MACF1: variants seen among roughly 807,000 people sequenced by gnomAD.
The protein encoded by MACF1 is microtubule actin crosslinking factor 1.
In MACF1, 193 loss-of-function variants were observed where a neutral mutation model predicts 854.8. The ratio of observed to expected loss-of-function variants is 0.23; its 90% confidence interval spans 0.20 to 0.25. The LOEUF is 0.25. Among genes scored for constraint, MACF1 ranks in the 10% least tolerant of loss-of-function variants. The pLI is 1.00. For missense variants in MACF1, 7,722 were observed against 8,929.1 expected (o/e 0.86, Z 5.45); for synonymous variants, 3,185 against 3,226.7 (o/e 0.99, Z 0.44).
chr1:39,165,255 C>T (rs966744119), intron 2 of MACF1, among the ~76,000 whole-genome samples: 2 of 152,082 alleles, frequency 1.3e-5, no homozygotes, highest in African/African-American at 4.8e-5. Context: ...CATAAAAGGG[C>T]GATTCTCTCC....
chr1:39,252,047 C>A, intron 4 of MACF1, 106 bp downstream of exon 4: 1 of 636,460 alleles, frequency 1.6e-6, no homozygotes, highest in Non-Finnish European at 2.3e-6. Context: ...TTACTATTTG[C>A]CACCTTCTCA....
chr1:39,172,246 T>G (rs1047173729), intron 2 of MACF1, among the ~76,000 whole-genome samples: 1 of 152,166 alleles, frequency 6.6e-6, no homozygotes, highest in Non-Finnish European at 1.5e-5. Context: ...AGGGAAAAGT[T>G]TTTTTTCCCC....
chr1:39,404,688 T>C (rs1049171619), intron 58 of MACF1, among the ~76,000 whole-genome samples: 3 of 152,152 alleles, frequency 2.0e-5, no homozygotes, highest in African/African-American at 4.8e-5. Flanking sequence ...TCTTGCAATG[T>C]TGCTTCGGCT....
chr1:39,419,798 A>AGTGTGTGTGTGTGTGTGTGT (rs3080664), intron 58 of MACF1, among the ~76,000 whole-genome samples: 4 of 131,054 alleles, frequency 3.1e-5, no homozygotes, highest in East Asian at 4.6e-4. Context: ...ATGCCTGGCT[A>AGTGTGTGTGTGTGTGTGTGT]GTGTGTGTGT....
chr1:39,176,784 G>GTCA (rs1644035299), intron 2 of MACF1, among the ~76,000 whole-genome samples: 1 of 152,212 alleles, frequency 6.6e-6, no homozygotes, highest in Non-Finnish European at 1.5e-5. Context: ...TGGGCCAAGT[G>GTCA]ATATAACTAG....
intron 2 of MACF1, among the ~76,000 whole-genome samples, chr1:39,139,908 A>G (rs886438851): frequency 5.3e-5 from 8 of 151,956 alleles, no homozygotes; most frequent in African/African-American, 1.9e-4. Flanking sequence ...AAGGAGATTA[A>G]GTAACTTGCC....
chr1:39,106,022 T>A (rs1440927941), intron 2 of MACF1, among the ~76,000 whole-genome samples: 1 of 151,300 alleles, frequency 6.6e-6, no homozygotes, highest in Non-Finnish European at 1.5e-5. Context: ...CCGTGGGGAG[T>A]TGCTGGGGAG....
At chr1:39,302,878 T>C in intron 22 of MACF1, 46 bp from the exon 23 acceptor site, 1 of 1,556,372 alleles carries the variant, frequency 6.4e-7, no homozygotes, top group Non-Finnish European at 8.8e-7. Context: ...AAATAATGGG[T>C]TGTTGGTTTA....
intron 95 of MACF1, among the ~76,000 whole-genome samples, chr1:39,467,319 CGCGCCACTGCACTCCAGCCTAG>C (rs1644690545): frequency 6.6e-6 from 1 of 152,040 alleles, no homozygotes; most frequent in Non-Finnish European, 1.5e-5. Context: ...GAGCCAAGAT[CGCGCCACTGCACTCCAGCCTAG>C]GCGACAGAAC....
intron 58 of MACF1, among the ~76,000 whole-genome samples, chr1:39,415,508 GTA>G (rs1286350008): frequency 2.1e-5 from 3 of 141,720 alleles, no homozygotes; most frequent in Non-Finnish European, 1.5e-5. Context: ...GCAATTTTTT[GTA>G]TATATATATA....
In MACF1 at chr1:39,409,234, G is replaced by A. The variant is rs1319029207; in HGVS notation, c.15817-13140G>A. On this transcript the variant is annotated intron_variant, in intron 58 of 100. Coordinates refer to ENST00000564288, the MANE Select transcript of MACF1 (RefSeq NM_001394062.1). This position sits in a 1 kb window ranked among gnomAD's most constrained non-coding sequence, Gnocchi z 4.2. ...GGAGGACGGCGGGGCCGCGGGGCCA[G>A]CGGCGTGGTGGAGAATAGAGGCGGC... Among the ~76,000 whole-genome samples, 5 of 152,086 alleles carry A rather than the reference G, an allele frequency of 3.3e-5. No homozygotes were observed. The highest frequency in any genetic ancestry group is 1.3e-4 in the Admixed American group (2 of 15,270).
chr1:39,265,304 T>A (rs1170774707), intron 6 of MACF1, among the ~76,000 whole-genome samples: 3 of 152,104 alleles, frequency 2.0e-5, no homozygotes, highest in African/African-American at 2.4e-5. Context: ...TGGCTGTCTC[T>A]GTGGGAGACC....
intron 14 of MACF1, among the ~76,000 whole-genome samples, chr1:39,286,761 T>C (rs1645651783): frequency 6.6e-6 from 1 of 151,980 alleles, no homozygotes; most frequent in Non-Finnish European, 1.5e-5. Flanking sequence ...AGGACCCACA[T>C]CTCTTGACCC....
In MACF1 at chr1:39,166,074, T is replaced by TA. The variant is rs1162184557; in HGVS notation, c.221-65108_221-65107insA. On this transcript the variant is annotated intron_variant, in intron 2 of 93. Coordinates refer to the MACF1 transcript ENST00000361689. ...GGGAGACTGTAGAGGGCACTAGATT[T>TA]TTTTTTTTTTTTGAGATGGAGTCTT... Among the ~76,000 whole-genome samples the TA allele has an allele frequency of 1.2e-3, 181 of 151,188 alleles. 1 individual carries two copies. Among genetic ancestry groups the TA allele is most frequent in the African/African-American group, 4.3e-3 (179 of 41,290 alleles).
At chr1:39,290,999 T>G (rs1330570164) in intron 15 of MACF1, among the ~76,000 whole-genome samples, 1 of 144,738 alleles carries the variant, frequency 6.9e-6, no homozygotes, top group Non-Finnish European at 1.5e-5. Flanking sequence ...TGAGACAGAG[T>G]CTCACTCCGT....
Position 39,372,515 on chromosome 1 carries a change from G to T in MACF1, c.13132G>T (p.Val4378Leu). The change falls in exon 52 of 101, where the codon GTG becomes TTG. Residue 4378 changes from valine (V) to leucine (L), a missense_variant. This residue lies in a region of MACF1 where 2,807 missense variants were observed against 3,235.8 expected (regional missense o/e 0.87). Coordinates refer to ENST00000564288, the MANE Select transcript of MACF1 (RefSeq NM_001394062.1). ...LDDWASKGTLVEEINCKGTSL... is the reference protein window; with the variant it reads ...LDDWASKGTLLEEINCKGTSL... ...TGACTGGGCAAGTAAGGGAACTCTG[G>T]TGGAAGAAATCAATTGCAAAGGTAC... 6.2e-7 allele frequency: 1 copy of T among 1,613,722 alleles called. No individual in the cohort carries two copies. Among genetic ancestry groups the T allele is most frequent in the Non-Finnish European group, 8.5e-7 (1 of 1,179,778 alleles).
At chr1:39,458,610 C>A in intron 90 of MACF1, 120 bp downstream of exon 90, 1 of 1,259,378 alleles carries the variant, frequency 7.9e-7, no homozygotes, top group Non-Finnish European at 1.1e-6. Flanking sequence ...GGTTTTGAAC[C>A]AAAATCTCTC....
chr1:39,421,111 C>G (rs1156263497), intron 58 of MACF1, among the ~76,000 whole-genome samples: 1 of 152,068 alleles, frequency 6.6e-6, no homozygotes, highest in Non-Finnish European at 1.5e-5. Context: ...ATGATTTGCC[C>G]GCCTCGGCCT....
At chr1:39,176,126 A>AAAAAAAT in intron 2 of MACF1, among the ~76,000 whole-genome samples, 1 of 129,400 alleles carries the variant, frequency 7.7e-6, no homozygotes, top group Non-Finnish European at 1.7e-5. Context: ...AAAAAAAAAA[A>AAAAAAAT]AGCCAGGTGT....
Sources: gnomAD v4.1 joint callset for allele counts (sites outside exome capture counted in the v4.1 genomes callset) on GRCh38, gnomAD v4.1.1 for gene constraint, gnomAD v4.1.1 regional missense constraint, Gnocchi (gnomAD v3.1) non-coding constraint, MANE v1.5 for transcripts, NCBI Gene and HGNC (gene_info 2026-07-23, HGNC 2026-07-21) for gene names.